The following STPG2 variants were observed in gnomAD, a reference collection of about 807,000 sequenced individuals.
STPG2 encodes sperm tail PG-rich repeat containing 2.
In STPG2, 56 loss-of-function variants were observed where a neutral mutation model predicts 54.2. That is an observed-to-expected ratio of 1.03 (90% CI 0.83 to 1.29). The LOEUF (loss-of-function observed/expected upper bound fraction) is 1.29. Ranked by LOEUF, STPG2 falls within the 50% of genes most tolerant of loss-of-function variation. The probability of loss-of-function intolerance (pLI) is 0.00; values close to 1 mark genes in which losing one functional copy is unlikely to be tolerated. For synonymous variants in STPG2, 200 were observed against 181.8 expected (o/e 1.10, Z -0.81); for missense variants, 596 against 544.9 (o/e 1.09, Z -0.93).
intron 4 of STPG2, among the ~76,000 whole-genome samples, chr4:97,539,837 T>C (rs1325619629): frequency 4.6e-5 from 7 of 152,046 alleles, no homozygotes; most frequent in African/African-American, 1.7e-4. Context: ...TCAAAACCAC[T>C]CAACTACATG....
intron 10 of STPG2, among the ~76,000 whole-genome samples, chr4:97,693,136 T>TA (rs35469387): frequency 0.2 from 26,442 of 132,930 alleles, 2,722 homozygotes; most frequent in Non-Finnish European, 0.28. Flanking sequence ...ATAACAATGA[T>TA]AAAAAAAAAA....
intron 10 of STPG2, among the ~76,000 whole-genome samples, chr4:97,576,552 G>T (rs567322718): frequency 4.6e-5 from 7 of 152,210 alleles, no homozygotes; most frequent in African/African-American, 1.4e-4. Context: ...GCCATATGCA[G>T]AAGAATGAAA....
At chr4:97,952,007 A>G (rs1733491203) in intron 7 of STPG2, among the ~76,000 whole-genome samples, 1 of 152,114 alleles carries the variant, frequency 6.6e-6, no homozygotes, top group Non-Finnish European at 1.5e-5. Context: ...AGGGCAGCAG[A>G]AAAGCAATCC....
At chr4:97,738,275 C>T (rs1469407193) in intron 9 of STPG2, among the ~76,000 whole-genome samples, 1 of 152,108 alleles carries the variant, frequency 6.6e-6, no homozygotes, top group Non-Finnish European at 1.5e-5. Context: ...TTGTAAAGAC[C>T]ATCGAGGCTA....
At chr4:97,565,345 T>A (rs529784482) in intron 10 of STPG2, among the ~76,000 whole-genome samples, 1 of 152,314 alleles carries the variant, frequency 6.6e-6, no homozygotes, top group South Asian at 2.1e-4. Flanking sequence ...CGAAATTTTT[T>A]TCAAAGTTTT....
chr4:97,538,886 T>G (rs1168536867), intron 4 of STPG2, among the ~76,000 whole-genome samples: 1 of 152,060 alleles, frequency 6.6e-6, no homozygotes, highest in Non-Finnish European at 1.5e-5. Context: ...GGGGCCAATA[T>G]TCAACATTCT....
chr4:97,479,147 C>T (rs1240513981), intron 4 of STPG2, among the ~76,000 whole-genome samples: 1 of 151,850 alleles, frequency 6.6e-6, no homozygotes, highest in South Asian at 2.1e-4. Flanking sequence ...TATACACACA[C>T]ACACACACAC....
chr4:97,890,042 GT>G (rs1286057664), intron 8 of STPG2, among the ~76,000 whole-genome samples: 3 of 152,274 alleles, frequency 2.0e-5, no homozygotes, highest in East Asian at 3.9e-4. Flanking sequence ...AAGGCAATCA[GT>G]TTTTCCAGAT....
intron 9 of STPG2, among the ~76,000 whole-genome samples, chr4:97,737,968 C>T (rs537964263): frequency 1.0e-3 from 153 of 152,230 alleles, no homozygotes; most frequent in Middle Eastern, 3.4e-3. Flanking sequence ...AGAGAAAGGT[C>T]GGGTTACCCA....
At chr4:97,454,756 G>T (rs1424028706) in intron 4 of STPG2, among the ~76,000 whole-genome samples, 13 of 151,988 alleles carry the variant, frequency 8.6e-5, no homozygotes, top group Admixed American at 7.2e-4. Flanking sequence ...AATATATCAT[G>T]ACTATGTACA....
intron 9 of STPG2, among the ~76,000 whole-genome samples, chr4:97,739,112 T>C (rs539391440): frequency 2.9e-3 from 434 of 152,226 alleles, no homozygotes; most frequent in African/African-American, 0.01. Context: ...CCTGAATGAC[T>C]ACTGGGTACA....
At chr4:98,030,256 C>T (rs146954919) in intron 5 of STPG2, among the ~76,000 whole-genome samples, 26 of 152,296 alleles carry the variant, frequency 1.7e-4, no homozygotes, top group Admixed American at 1.4e-3. Flanking sequence ...TAATGACCCA[C>T]AGTCACCTCC....
rs1738198197 is a variant in STPG2, at chr4:98,077,234, G to GTTA, written c.612+28718_612+28719insTAA. The stretch of plus-strand genomic sequence containing the variant: ...TTGCGTCCTCAATAGTTTTGTTGTT[G>GTTA]TTGTTGTTGTTGTTGTTGTTGTTGT... On this transcript the variant is annotated intron_variant, in intron 5 of 10. Transcript: ENST00000295268. 4.0e-5 allele frequency among the ~76,000 whole-genome samples: 6 copies of GTTA among 151,558 alleles called. No homozygotes were observed. The South Asian group carries it at 1.3e-3, about 32-fold the overall frequency.
At chr4:97,936,245 C>T (rs938949473) in intron 8 of STPG2, among the ~76,000 whole-genome samples, 1 of 152,066 alleles carries the variant, frequency 6.6e-6, no homozygotes, top group South Asian at 2.1e-4. Context: ...TTTTCCTCCA[C>T]CCCTTTATTT....
intron 10 of STPG2, among the ~76,000 whole-genome samples, chr4:97,657,372 A>G (rs1258302861): frequency 6.6e-6 from 1 of 152,174 alleles, no homozygotes; most frequent in Non-Finnish European, 1.5e-5. Flanking sequence ...CCAACTCTAA[A>G]ACATAAAACT....
rs1578312934 is a variant in STPG2, at chr4:97,456,198, T to G, written c.462+256501A>C. 2.0e-5 allele frequency among the ~76,000 whole-genome samples: 3 copies of G among 152,186 alleles called. 1 individual carries two copies. In the South Asian group the frequency reaches 6.2e-4, roughly 31 times the overall value. ...GAACTACCCGAAACGGGGTAATTTA[T>G]GAAGAGCTTTAATTGGCACAGAGTT... On this transcript the variant is annotated intron_variant, in intron 4 of 4. Transcript: ENST00000522676.
At chr4:98,114,764 TTTG>T (rs1277561943) in intron 3 of STPG2, among the ~76,000 whole-genome samples, 72 of 128,514 alleles carry the variant, frequency 5.6e-4, no homozygotes, top group African/African-American at 1.7e-3. Context: ...TTTTTTTTTT[TTTG>T]TGTGTGTGTG....
At chr4:98,075,983 G>A (rs948134797) in intron 5 of STPG2, among the ~76,000 whole-genome samples, 8 of 152,184 alleles carry the variant, frequency 5.3e-5, no homozygotes, top group African/African-American at 1.4e-4. Flanking sequence ...AGTGGCTCAC[G>A]CCTGTAATCC....
chr4:98,035,881 G>A (rs1736760606), intron 5 of STPG2, among the ~76,000 whole-genome samples: 1 of 152,056 alleles, frequency 6.6e-6, no homozygotes, highest in African/African-American at 2.4e-5. Flanking sequence ...TCACTCAGAA[G>A]TGGGAGATGA....
Sources: gnomAD v4.1 joint callset for allele counts (sites outside exome capture counted in the v4.1 genomes callset) on GRCh38, gnomAD v4.1.1 for gene constraint, MANE v1.5 for transcripts, NCBI Gene and HGNC (gene_info 2026-07-23, HGNC 2026-07-21) for gene names.